The following APAF1 variants were observed in gnomAD, a reference collection of about 807,000 sequenced individuals.
APAF1 encodes the protein apoptotic peptidase activating factor 1.
In APAF1, 91 loss-of-function variants were observed where a neutral mutation model predicts 152.4. The ratio of observed to expected loss-of-function variants is 0.60; its 90% CI spans 0.50 to 0.71. APAF1 has a LOEUF of 0.71. Among genes scored for constraint, APAF1 ranks in the 30% least tolerant of loss-of-function variants. APAF1 has a pLI of 0.00. For missense variants in APAF1, 1,283 were observed against 1,472.0 expected (o/e 0.87, Z 2.10); for synonymous variants, 484 against 494.1 (o/e 0.98, Z 0.27).
intron 22 of APAF1, among the ~76,000 whole-genome samples, chr12:98,716,839 C>A (rs2097735282): frequency 6.6e-6 from 1 of 152,006 alleles, no homozygotes; most frequent in Non-Finnish European, 1.5e-5. Context: ...TTCCACATTT[C>A]ATCTTTCTAT....
At chr12:98,646,729 A>C (rs2097641119) in intron 1 of APAF1, among the ~76,000 whole-genome samples, 1 of 152,220 alleles carries the variant, frequency 6.6e-6, no homozygotes, top group Admixed American at 6.5e-5. Context: ...AGTTCTGTTA[A>C]TGTTTTGAAA....
rs888539256 is a variant in APAF1, at chr12:98,726,835, G to A, written c.3457-338G>A. Reference sequence around the variant, plus strand: ...AAGTTACTGATTTTTGTTTGTATATGTACTACCTTACTGAACTGTTTCTAA... The same window carrying A: ...AAGTTACTGATTTTTGTTTGTATATATACTACCTTACTGAACTGTTTCTAA... On this transcript the variant is annotated intron_variant, in intron 25 of 26. Coordinates refer to ENST00000551964, the MANE Select transcript of APAF1 (RefSeq NM_181861.2). The A allele has an allele frequency of 1.7e-5, 4 of 228,986 alleles. No homozygotes were observed. The East Asian group carries it at 4.5e-4, about 26-fold the overall frequency. The allele number at this position is 228,986 out of a possible 1,614,324, so 14.2% of individuals were successfully genotyped here. A position where few individuals can be genotyped will look rare whatever the true frequency, so the allele number is the denominator to read the frequency against.
intron 24 of APAF1, 146 bp from the exon 25 acceptor site, chr12:98,725,269 G>T: frequency 1.0e-6 from 1 of 983,014 alleles, no homozygotes; most frequent in Non-Finnish European, 1.5e-6. Flanking sequence ...AAGGTTGCAT[G>T]CTGGAACTTG....
intron 9 of APAF1, among the ~76,000 whole-genome samples, chr12:98,666,624 C>G (rs967427715): frequency 6.6e-6 from 1 of 152,142 alleles, no homozygotes; most frequent in Non-Finnish European, 1.5e-5. Flanking sequence ...TGTTTCCCTA[C>G]TTGTCATTTT....
chr12:98,732,743 A>G lies in APAF1; in HGVS notation c.*177A>G. ...TAATGTAGCTTTTTCCCAAATGAAC[A>G]TACCTTTAATCTTGTTTTTCATGAT... On this transcript the variant is annotated 3_prime_UTR_variant, in exon 27 of 27. Transcript: ENST00000551964. 1.7e-6 allele frequency: 1 copy of G among 583,360 alleles called. No individual in the cohort carries two copies. The highest frequency in any genetic ancestry group is 3.0e-6 in the Non-Finnish European group (1 of 331,666). 36.1% of individuals were successfully genotyped at this position (583,360 alleles called of 1,614,324 possible).
intron 15 of APAF1, among the ~76,000 whole-genome samples, chr12:98,683,962 A>T (rs939743926): frequency 2.0e-5 from 3 of 152,162 alleles, no homozygotes; most frequent in Non-Finnish European, 4.4e-5. Flanking sequence ...TTTTCCTCTT[A>T]AGTGGATAAA....
intron 21 of APAF1, among the ~76,000 whole-genome samples, chr12:98,714,895 T>A (rs1300908139): frequency 6.6e-6 from 1 of 151,352 alleles, no homozygotes; most frequent in Non-Finnish European, 1.5e-5. Context: ...ACTACTTTTA[T>A]TTAGAGTATT....
intron 10 of APAF1, among the ~76,000 whole-genome samples, chr12:98,668,708 A>G (rs1443871798): frequency 6.6e-6 from 1 of 152,202 alleles, no homozygotes; most frequent in Non-Finnish European, 1.5e-5. Flanking sequence ...GAAAGAACGG[A>G]GTCCATGAAC....
rs1185988168 is a variant in APAF1 at position 98,645,787 on chromosome 12, G to C, written c.-90G>C. On this transcript the variant is annotated 5_prime_UTR_variant, in exon 1 of 27. Transcript: ENST00000551964. ...CACCGGCCTGGAGTCTCCCAGTCTT[G>C]TCCCGGCAGTGCCGCCCTCCCCACT... is the stretch of plus-strand genomic sequence containing the variant. 1 of 152,340 alleles carries C rather than the reference G, an allele frequency of 6.6e-6. No individual in the cohort carries two copies. The highest frequency in any genetic ancestry group is 1.5e-5 in the Non-Finnish European group (1 of 68,106). The allele number at this position is 152,340 out of a possible 1,614,324, so 9.4% of individuals were successfully genotyped here. A position where few individuals can be genotyped will look rare whatever the true frequency, so the allele number is the denominator to read the frequency against.
At chr12:98,689,435 T>TGAGA (rs10562439) in intron 16 of APAF1, among the ~76,000 whole-genome samples, 19 of 147,332 alleles carry the variant, frequency 1.3e-4, no homozygotes, top group South Asian at 2.2e-4. Flanking sequence ...TGTGTGAGGG[T>TGAGA]GAGAGAGAGA....
chr12:98,674,228 T>C (rs959010033), intron 12 of APAF1, among the ~76,000 whole-genome samples: 5 of 152,116 alleles, frequency 3.3e-5, no homozygotes, highest in African/African-American at 4.8e-5. Flanking sequence ...CTGGACACAA[T>C]TGATCCTCCT....
At chr12:98,671,127 C>T in intron 11 of APAF1, 41 bp downstream of exon 11, 2 of 1,248,784 alleles carry the variant, frequency 1.6e-6, no homozygotes, top group Non-Finnish European at 2.3e-6. Flanking sequence ...AAAAAGGAAT[C>T]TCATTTTTTT....
At chr12:98,663,226 G>A (rs1237888975) in intron 7 of APAF1, among the ~76,000 whole-genome samples, 9 of 151,902 alleles carry the variant, frequency 5.9e-5, no homozygotes, top group Non-Finnish European at 1.3e-4. Context: ...TATTGAATAC[G>A]TTTTAAGAAG....
chr12:98,717,598 A>T (rs957575061), intron 22 of APAF1, among the ~76,000 whole-genome samples: 2 of 150,544 alleles, frequency 1.3e-5, no homozygotes, highest in African/African-American at 4.9e-5. Flanking sequence ...CTGGTCTTGA[A>T]CTCTGGACCT....
In APAF1 at chr12:98,648,514, C is replaced by T. The variant is rs1276985995; in HGVS notation, c.138+17C>T. On this transcript the variant is annotated intron_variant, in intron 2 of 26. Transcript: ENST00000551964. The stretch of plus-strand genomic sequence containing the variant: ...AGAAATGAGGTAAAGCTCTCTGAAG[C>T]AGTCCACACTTCCTTAAAAATTTTT... 1 of 1,612,340 alleles carries T rather than the reference C, an allele frequency of 6.2e-7. No individual in the cohort carries two copies. The highest frequency in any genetic ancestry group is 8.5e-7 in the Non-Finnish European group (1 of 1,179,498).
rs971622905 is a variant in APAF1 at position 98,723,527 on chromosome 12, CCAGTGTA to C, written c.3205-111_3205-105del. On this transcript the variant is annotated intron_variant, in intron 23 of 26. Transcript: ENST00000551964. ...ATTTAAAGTAAAGGGGTCAGAACAG[CCAGTGTA>C]TTAAAACTCTTGTTTTATAGACCTG... 258 of 1,090,464 alleles carry C rather than the reference CCAGTGTA, an allele frequency of 2.4e-4. 1 individual carries two copies. In the African/African-American group the frequency reaches 3.6e-3, roughly 15 times the overall value. The allele number at this position is 1,090,464 out of a possible 1,614,324, so 67.5% of individuals were successfully genotyped here.
At chr12:98,719,659 A>G (rs1227677907) in intron 22 of APAF1, among the ~76,000 whole-genome samples, 1 of 151,546 alleles carries the variant, frequency 6.6e-6, no homozygotes, top group Non-Finnish European at 1.5e-5. Flanking sequence ...GCCACTTTTG[A>G]CTTTTTATAA....
chr12:98,735,188 ATTTTG>A lies in APAF1; in HGVS notation c.*2629_*2633del. 2.5e-6 allele frequency: 1 copy of A among 398,828 alleles called. No homozygotes were observed. Among genetic ancestry groups the A allele is most frequent in the Non-Finnish European group, 4.4e-6 (1 of 226,282 alleles). The allele number at this position is 398,828 out of a possible 1,614,324, so 24.7% of individuals were successfully genotyped here. A position where few individuals can be genotyped will look rare whatever the true frequency, so the allele number is the denominator to read the frequency against. ...GTTCATGCAGTCGGTCAAGAGGAGG[ATTTTG>A]TTTTGTAGTTTGCAGATGAGCATTT... On this transcript the variant is annotated 3_prime_UTR_variant, in exon 27 of 27. Transcript: ENST00000551964.
chr12:98,682,178 C>T (rs1383926411), intron 14 of APAF1, among the ~76,000 whole-genome samples: 1 of 151,794 alleles, frequency 6.6e-6, no homozygotes, highest in Admixed American at 6.6e-5. Flanking sequence ...CTCAGCCTCC[C>T]GAGTAGCTGG....
Sources: allele counts gnomAD v4.1 joint callset (sites outside exome capture counted in the v4.1 genomes callset), GRCh38; gene constraint gnomAD v4.1.1; transcripts MANE v1.5; gene names NCBI Gene and HGNC (gene_info 2026-07-23, HGNC 2026-07-21).